GMDS: variants seen among roughly 807,000 people sequenced by gnomAD.
The protein encoded by GMDS is GDP-mannose 4,6 dehydratase.
Under a neutral mutation model 49.9 loss-of-function variants are expected in GMDS, and 20 were observed. That is an observed-to-expected ratio of 0.40 (90% confidence interval 0.28 to 0.58). GMDS has a LOEUF of 0.58. GMDS is among the 20% of genes least tolerant of loss of function. The pLI is 0.42. For synonymous variants in GMDS, 177 were observed against 178.6 expected, an observed-to-expected ratio of 0.99 and a Z score of 0.07; for missense variants, 362 against 481.4, an observed-to-expected ratio of 0.75 and a Z score of 2.32.
intron 4 of GMDS, among the ~76,000 whole-genome samples, chr6:2,104,037 T>A (rs1327403774): frequency 6.6e-6 from 1 of 152,212 alleles, no homozygotes; most frequent in East Asian, 1.9e-4. Context: ...ATTTCCTCTT[T>A]GTAACTTGCT....
At position 1,962,533 on chromosome 6, in the gene GMDS, A is replaced by G. The variant is rs1379868674; in HGVS notation, c.346-1567T>C. Among the ~76,000 whole-genome samples, 8 of 152,148 alleles carry G rather than the reference A, an allele frequency of 5.3e-5. No homozygotes were observed. In the East Asian group the frequency reaches 1.5e-3, roughly 29 times the overall value. On this transcript the variant is annotated intron_variant, in intron 4 of 10. Transcript: ENST00000380815. Reference sequence around the variant, plus strand: ...TCACCATCAATGAACAAGAGTTCCAATTTCTCCACATCCTACATAGACTTG... The same window carrying G: ...TCACCATCAATGAACAAGAGTTCCAGTTTCTCCACATCCTACATAGACTTG...
intron 7 of GMDS, among the ~76,000 whole-genome samples, chr6:1,847,525 T>A (rs1757463873): frequency 6.6e-6 from 1 of 152,180 alleles, no homozygotes; most frequent in Admixed American, 6.5e-5. Context: ...CTAATTCCAT[T>A]CCCTAAGTTC....
intron 9 of GMDS, among the ~76,000 whole-genome samples, chr6:1,721,692 T>C (rs2113424772): frequency 1.3e-5 from 2 of 152,278 alleles, no homozygotes; most frequent in East Asian, 3.9e-4. Flanking sequence ...TTGATGTGGT[T>C]ACAAATTTGG....
intron 4 of GMDS, among the ~76,000 whole-genome samples, chr6:2,036,704 C>G (rs1271749407): frequency 6.6e-6 from 1 of 152,142 alleles, no homozygotes; most frequent in Non-Finnish European, 1.5e-5. Context: ...ATAGGATATA[C>G]TGAGAATAAG....
At chr6:1,666,269 T>C (rs1246071143) in intron 9 of GMDS, among the ~76,000 whole-genome samples, 2 of 152,174 alleles carry the variant, frequency 1.3e-5, no homozygotes, top group Non-Finnish European at 2.9e-5. Flanking sequence ...CCACAGTACC[T>C]GCATCCCCTC....
At chr6:1,731,512 C>T (rs574939359) in intron 8 of GMDS, among the ~76,000 whole-genome samples, 1 of 152,170 alleles carries the variant, frequency 6.6e-6, no homozygotes, top group African/African-American at 2.4e-5. Flanking sequence ...CTTGGTTTCC[C>T]ATGGTGATAC....
At chr6:1,970,533 G>T (rs530018269) in intron 4 of GMDS, among the ~76,000 whole-genome samples, 1 of 152,198 alleles carries the variant, frequency 6.6e-6, no homozygotes, top group East Asian at 1.9e-4. Context: ...GGAGCAGGCC[G>T]CAGGCTGTGA....
chr6:1,725,384 G>A (rs1453679859), intron 9 of GMDS, among the ~76,000 whole-genome samples: 1 of 152,108 alleles, frequency 6.6e-6, no homozygotes, highest in African/African-American at 2.4e-5. Flanking sequence ...CATCCATCTA[G>A]CAATCAGTCA....
In GMDS at chr6:2,180,374, G is replaced by A. The variant is rs1194935009; in HGVS notation, c.103-55643C>T. Among the ~76,000 whole-genome samples the A allele has an allele frequency of 2.0e-5, 3 of 152,214 alleles. No homozygotes were observed. The East Asian group carries it at 5.8e-4, about 29-fold the overall frequency. On this transcript the variant is annotated intron_variant, in intron 1 of 10. Transcript: ENST00000380815. ...GCTTTCTCAGCTGTCCTGACCAGGG[G>A]CTAGGTCCAGTGTGGTAATTCCAAG...
chr6:2,178,472 C>A (rs530657352), intron 1 of GMDS, among the ~76,000 whole-genome samples: 2 of 146,956 alleles, frequency 1.4e-5, no homozygotes, highest in East Asian at 1.9e-4. Context: ...GAGAACACCA[C>A]CGGTAGGTGG....
chr6:2,195,843 A>G (rs542533129), intron 1 of GMDS, among the ~76,000 whole-genome samples: 12 of 151,196 alleles, frequency 7.9e-5, no homozygotes, highest in Admixed American at 4.6e-4. Flanking sequence ...AAAGTTAATA[A>G]AAATAAATAT....
At chr6:1,691,295 T>C (rs1765160395) in intron 9 of GMDS, among the ~76,000 whole-genome samples, 1 of 149,452 alleles carries the variant, frequency 6.7e-6, no homozygotes, top group African/African-American at 2.5e-5. Flanking sequence ...CACTCGTAAG[T>C]GGGAGCTGAA....
chr6:2,084,441 C>G (rs1420807988), intron 4 of GMDS, among the ~76,000 whole-genome samples: 3 of 152,148 alleles, frequency 2.0e-5, no homozygotes, highest in Non-Finnish European at 2.9e-5. Flanking sequence ...CTCCCAGATT[C>G]TAGATTACTC....
chr6:1,662,314 AC>A (rs1411759908), intron 9 of GMDS, among the ~76,000 whole-genome samples: 1 of 152,198 alleles, frequency 6.6e-6, no homozygotes, highest in Non-Finnish European at 1.5e-5. Flanking sequence ...ATCCCACACC[AC>A]CACAGACAGG....
intron 4 of GMDS, among the ~76,000 whole-genome samples, chr6:2,002,451 C>A (rs899348301): frequency 1.3e-5 from 2 of 152,134 alleles, no homozygotes; most frequent in African/African-American, 4.8e-5. Flanking sequence ...TCCTTTCTTA[C>A]CTTTACTGTT....
intron 7 of GMDS, among the ~76,000 whole-genome samples, chr6:1,890,178 G>T (rs1034348130): frequency 1.3e-5 from 2 of 151,858 alleles, no homozygotes; most frequent in African/African-American, 2.4e-5. Flanking sequence ...TGGCTAAGCT[G>T]TCTTACATTA....
chr6:2,000,345 A>G (rs1265172972), intron 4 of GMDS, among the ~76,000 whole-genome samples: 3 of 151,570 alleles, frequency 2.0e-5, no homozygotes, highest in Non-Finnish European at 2.9e-5. Context: ...AGTATTTACT[A>G]TATTAACTGG....
intron 7 of GMDS, among the ~76,000 whole-genome samples, chr6:1,810,294 ATTTAT>A (rs1220857632): frequency 6.6e-6 from 1 of 151,882 alleles, no homozygotes; most frequent in Non-Finnish European, 1.5e-5. Context: ...GGAGAAGTTT[ATTTAT>A]TTTTATTTTT....
intron 4 of GMDS, among the ~76,000 whole-genome samples, chr6:2,085,110 A>G (rs1772936466): frequency 6.6e-6 from 1 of 152,168 alleles, no homozygotes; most frequent in South Asian, 2.1e-4. Context: ...CTATTTAACC[A>G]ATGTCATGAG....
Sources: allele counts gnomAD v4.1 joint callset (sites outside exome capture counted in the v4.1 genomes callset), GRCh38; gene constraint gnomAD v4.1.1; transcripts MANE v1.5; gene names NCBI Gene and HGNC (gene_info 2026-07-23, HGNC 2026-07-21).